The following KIAA0513 variants were observed in gnomAD, a reference collection of about 807,000 sequenced individuals.
The protein encoded by KIAA0513 is KIAA0513, also known as uncharacterized protein KIAA0513.
A neutral mutation model predicts 56.5 loss-of-function variants in KIAA0513; 39 were observed. The observed-to-expected ratio is 0.69, with a 90% confidence interval of 0.53 to 0.90. The LOEUF (loss-of-function observed/expected upper bound fraction) is 0.90. Ranked by LOEUF, KIAA0513 falls within the 40% of genes least tolerant of loss-of-function variation. The probability of loss-of-function intolerance (pLI) is 0.00; values close to 1 mark genes in which losing one functional copy is unlikely to be tolerated. For synonymous variants in KIAA0513, 268 were observed against 215.6 expected, an observed-to-expected ratio of 1.24 and a Z score of -2.13; for missense variants, 591 against 535.2, an observed-to-expected ratio of 1.10 and a Z score of -1.03.
intron 1 of KIAA0513, among the ~76,000 whole-genome samples, chr16:85,042,384 C>CTATGTAATTAA (rs2073115267): frequency 1.3e-5 from 2 of 152,162 alleles, no homozygotes; most frequent in African/African-American, 4.8e-5. Flanking sequence ...CCCCGGTGTA[C>CTATGTAATTAA]TGCAGCTATG....
intron 6 of KIAA0513, 151 bp downstream of exon 6, chr16:85,077,783 C>G: frequency 1.5e-6 from 1 of 650,556 alleles, no homozygotes; most frequent in South Asian, 2.0e-5. Flanking sequence ...CCACGGCTTG[C>G]TATGGTCTGC....
Position 85,093,618 on chromosome 16 carries a change from G to A in KIAA0513, c.*5293G>A, listed in dbSNP as rs762036076. On this transcript the variant is annotated 3_prime_UTR_variant, in exon 13 of 13. Coordinates refer to ENST00000683363, the MANE Select transcript of KIAA0513 (RefSeq NM_001388359.1). ...TGCTCATGAAATAGAGGTGGGGGAC[G>A]ACCGCATGCACTCTGGGAGGTGCAG... 1.3e-5 allele frequency: 2 copies of A among 152,450 alleles called. No homozygotes were observed. The highest frequency in any genetic ancestry group is 1.5e-5 in the Non-Finnish European group (1 of 68,050). 9.4% of individuals were successfully genotyped at this position (152,450 alleles called of 1,614,324 possible).
intron 3 of KIAA0513, among the ~76,000 whole-genome samples, chr16:85,072,385 A>T (rs2073590300): frequency 6.6e-6 from 1 of 152,220 alleles, no homozygotes; most frequent in South Asian, 2.1e-4. Context: ...TTTGTAAAAA[A>T]CAAAAAATAT....
chr16:85,048,137 A>C (rs1029945949), intron 1 of KIAA0513, among the ~76,000 whole-genome samples: 1 of 152,214 alleles, frequency 6.6e-6, no homozygotes, highest in Non-Finnish European at 1.5e-5. Context: ...ATTAGGTGAG[A>C]GTGAGCAGAA....
At chr16:85,070,756 C>T (rs1230528333) in intron 2 of KIAA0513, among the ~76,000 whole-genome samples, 3 of 152,180 alleles carry the variant, frequency 2.0e-5, no homozygotes, top group African/African-American at 4.8e-5. Flanking sequence ...GCTTCCTACT[C>T]GTTTTGTTTG....
intron 1 of KIAA0513, among the ~76,000 whole-genome samples, chr16:85,046,344 C>A (rs2143893130): frequency 6.6e-6 from 1 of 152,344 alleles, no homozygotes; most frequent in East Asian, 1.9e-4. Flanking sequence ...TTTCTCCTTA[C>A]AGAGGATGAA....
chr16:85,094,125 CAG>C lies in KIAA0513; in HGVS notation c.*5801_*5802del, dbSNP rs2073898550. On this transcript the variant is annotated 3_prime_UTR_variant, in exon 13 of 13. Transcript: ENST00000683363. ...AGTTTCAAGGGTGAAGATCTCAAAA[CAG>C]TGCTAAAATCAAAGGTGTTTGCTGT... 6.6e-6 allele frequency: 1 copy of C among 151,780 alleles called. No homozygotes were observed. The highest frequency in any genetic ancestry group is 1.9e-4 in the East Asian group (1 of 5,158). The allele number at this position is 151,780 out of a possible 1,614,324, so 9.4% of individuals were successfully genotyped here. A position where few individuals can be genotyped will look rare whatever the true frequency, so the allele number is the denominator to read the frequency against.
At chr16:85,070,718 T>G (rs1483746008) in intron 2 of KIAA0513, among the ~76,000 whole-genome samples, 2 of 152,236 alleles carry the variant, frequency 1.3e-5, no homozygotes, top group Non-Finnish European at 2.9e-5. Flanking sequence ...TATGTTTAAT[T>G]TGAGTGCATT....
intron 10 of KIAA0513, among the ~76,000 whole-genome samples, chr16:85,083,835 A>G (rs890688761): frequency 1.3e-5 from 2 of 152,334 alleles, no homozygotes; most frequent in Middle Eastern, 3.4e-3. Flanking sequence ...AGGCAACCTC[A>G]TGCTTCCAAC....
chr16:85,088,607 A>C lies in KIAA0513; in HGVS notation c.*282A>C. ...AGTGCCAGGCTTGTGAGATGAGACCAAGAGGGAGGAGGGGAAGGACTCCAT... is the reference window on the plus strand; with the variant it reads ...AGTGCCAGGCTTGTGAGATGAGACCCAGAGGGAGGAGGGGAAGGACTCCAT... On this transcript the variant is annotated 3_prime_UTR_variant, in exon 13 of 13. Transcript: ENST00000683363. 3 of 415,008 alleles carry C rather than the reference A, an allele frequency of 7.2e-6. No homozygotes were observed. The highest frequency in any genetic ancestry group is 8.8e-6 in the Non-Finnish European group (2 of 226,968). 25.7% of individuals were successfully genotyped at this position (415,008 alleles called of 1,614,324 possible). A position where few individuals can be genotyped will look rare whatever the true frequency, so the allele number is the denominator to read the frequency against.
chr16:85,040,447 T>C (rs1321560636), intron 1 of KIAA0513, among the ~76,000 whole-genome samples: 2 of 152,062 alleles, frequency 1.3e-5, no homozygotes, highest in African/African-American at 2.4e-5. Flanking sequence ...GGAGGATCGC[T>C]TGAACCTGGG....
At chr16:85,069,474 G>A (rs577647693) in intron 2 of KIAA0513, among the ~76,000 whole-genome samples, 56 of 152,232 alleles carry the variant, frequency 3.7e-4, no homozygotes, top group Non-Finnish European at 7.4e-4. Flanking sequence ...GACAATTGGA[G>A]CAGCAGGAAG....
chr16:85,064,457 C>G (rs1182107600), intron 1 of KIAA0513, among the ~76,000 whole-genome samples: 2 of 152,154 alleles, frequency 1.3e-5, no homozygotes, highest in Non-Finnish European at 2.9e-5. Flanking sequence ...ATTCCTGAAT[C>G]AGAAGAGAGA....
intron 1 of KIAA0513, among the ~76,000 whole-genome samples, chr16:85,057,212 T>A (rs796232214): frequency 1.4e-4 from 22 of 152,332 alleles, no homozygotes; most frequent in African/African-American, 4.8e-4. Context: ...CGTGTACACT[T>A]TCATGCAGCC....
chr16:85,078,883 C>G, intron 7 of KIAA0513, 42 bp from the exon 8 acceptor site: 8 of 1,609,190 alleles, frequency 5.0e-6, no homozygotes, highest in Non-Finnish European at 6.8e-6. Flanking sequence ...ACAGTGGGTG[C>G]GCAACCAGAG....
chr16:85,085,565 G>A (rs1272525991), intron 10 of KIAA0513, among the ~76,000 whole-genome samples: 2 of 152,178 alleles, frequency 1.3e-5, no homozygotes, highest in Non-Finnish European at 2.9e-5. Flanking sequence ...CTCCACATTC[G>A]CAGCTGCTTC....
chr16:85,075,729 G>A (rs2073646602), intron 4 of KIAA0513, 115 bp from the exon 5 acceptor site: 1 of 847,660 alleles, frequency 1.2e-6, no homozygotes, highest in Admixed American at 1.9e-5. Context: ...TGCATCTCCA[G>A]TGGGGAAGAT....
intron 10 of KIAA0513, among the ~76,000 whole-genome samples, chr16:85,084,056 ATTTTTTTT>A (rs66814882): frequency 2.8e-5 from 2 of 70,778 alleles, no homozygotes; most frequent in South Asian, 5.4e-4. Context: ...AACTCTTCTA[ATTTTTTTT>A]TTTTTTTTTT....
rs1383314181 is a variant in KIAA0513, at chr16:85,037,852, GA to G, written c.-173+9996del. On this transcript the variant is annotated intron_variant, in intron 1 of 12. Transcript: ENST00000683363. ...TCACGTCCTCTCTCCCTCCTCCAGG[GA>G]ACCCTCCCAAGTGAGCTGGAGTGGC... 2.0e-5 allele frequency among the ~76,000 whole-genome samples: 3 copies of G among 152,276 alleles called. No individual in the cohort carries two copies. In the East Asian group the frequency reaches 5.8e-4, roughly 29 times the overall value.
Sources: allele counts gnomAD v4.1 joint callset (sites outside exome capture counted in the v4.1 genomes callset), GRCh38; gene constraint gnomAD v4.1.1; transcripts MANE v1.5; gene names NCBI Gene and HGNC (gene_info 2026-07-23, HGNC 2026-07-21).